Variants in CFAP61 observed in about 807,000 individuals in gnomAD.
CFAP61 encodes cilia and flagella associated protein 61, also known as cilia- and flagella-associated protein 61.
Under a neutral mutation model 135.6 loss-of-function variants are expected in CFAP61, and 107 were observed. The observed-to-expected ratio is 0.79, with a 90% CI of 0.67 to 0.93. CFAP61 has a LOEUF of 0.93. CFAP61 is among the 40% of genes least tolerant of loss of function. CFAP61 has a pLI of 0.00. For synonymous variants in CFAP61, 575 were observed against 578.5 expected, an observed-to-expected ratio of 0.99 and a Z score of 0.09; for missense variants, 1,507 against 1,556.2, an observed-to-expected ratio of 0.97 and a Z score of 0.53.
At chr20:20,087,866 A>AT (rs5840867) in intron 6 of CFAP61, among the ~76,000 whole-genome samples, 35 of 147,534 alleles carry the variant, frequency 2.4e-4, no homozygotes, top group South Asian at 4.3e-4. Context: ...ATGCTGTATC[A>AT]TTTTTTTTTT....
In CFAP61 at chr20:20,169,456, C is replaced by T. The variant is rs765775058; in HGVS notation, c.1381C>T (p.Leu461Phe). The change falls in exon 13 of 27, where the codon CTC (leucine) becomes TTC (phenylalanine). Residue 461 changes from leucine to phenylalanine, a missense_variant. Leu to Phe is a conservative substitution (Grantham distance 22, BLOSUM62 0). Transcript: ENST00000245957. ...CTACGTCTTCCACCGGGCTGGATTG[C>T]TCAAGTGAGTAGACACATGTTTGGC... is the stretch of plus-strand genomic sequence containing the variant. The part of the protein sequence containing the change: ...DLYVFHRAGL[L>F]KSINIRFATL... The T allele has an allele frequency of 6.2e-7, 1 of 1,610,704 alleles. No individual in the cohort carries two copies. Among genetic ancestry groups the T allele is most frequent in the Non-Finnish European group, 8.5e-7 (1 of 1,178,080 alleles).
At chr20:20,284,948 G>C (rs1243084247) in intron 22 of CFAP61, among the ~76,000 whole-genome samples, 1 of 152,130 alleles carries the variant, frequency 6.6e-6, no homozygotes, top group African/African-American at 2.4e-5. Flanking sequence ...GCCTAAATGA[G>C]CTTCAGAGCA....
At chr20:20,226,971 C>T (rs2048780963) in intron 17 of CFAP61, among the ~76,000 whole-genome samples, 1 of 152,198 alleles carries the variant, frequency 6.6e-6, no homozygotes, top group Admixed American at 6.5e-5. Flanking sequence ...GTCTGAATCT[C>T]CCACTTTTGT....
rs535639956 is a variant in CFAP61 at position 20,210,636 on chromosome 20, C to T, written c.1932+10734C>T. 1.7e-4 allele frequency among the ~76,000 whole-genome samples: 26 copies of T among 152,288 alleles called. No individual in the cohort carries two copies. The East Asian group carries it at 4.6e-3, about 27-fold the overall frequency. On this transcript the variant is annotated intron_variant, in intron 17 of 26. Transcript: ENST00000245957. Reference sequence around the variant, plus strand: ...CAGCGACAGACACATGAAACACAGACCACGAATGCCCCTCTGGGGCTGGCC... The same window carrying T: ...CAGCGACAGACACATGAAACACAGATCACGAATGCCCCTCTGGGGCTGGCC...
intron 21 of CFAP61, 91 bp from the exon 22 acceptor site, chr20:20,277,075 G>C: frequency 9.8e-7 from 1 of 1,018,866 alleles, no homozygotes; most frequent in Non-Finnish European, 1.4e-6. Flanking sequence ...AAATGAGAGG[G>C]TTATACGGAG....
chr20:20,118,545 T>TACA (rs1310572520), intron 8 of CFAP61, among the ~76,000 whole-genome samples: 1 of 152,094 alleles, frequency 6.6e-6, no homozygotes, highest in African/African-American at 2.4e-5. Flanking sequence ...TTCACCATGT[T>TACA]GGCCAGGTTG....
In CFAP61 at chr20:20,174,763, T is replaced by TAAA. The variant is rs11087311; in HGVS notation, c.1385+5310_1385+5312dup. On this transcript the variant is annotated intron_variant, in intron 13 of 26. Coordinates refer to ENST00000245957, the MANE Select transcript of CFAP61 (RefSeq NM_015585.4). The stretch of plus-strand genomic sequence containing the variant: ...CCTTACACCCCAGCAATGTTTGTAT[T>TAAA]AAAAAAAAATGAGTGTGCTAACAAA... 2.2e-3 allele frequency among the ~76,000 whole-genome samples: 327 copies of TAAA among 151,108 alleles called. 1 individual carries two copies. Among genetic ancestry groups the TAAA allele is most frequent in the Non-Finnish European group, 3.8e-3 (256 of 67,768 alleles).
intron 6 of CFAP61, among the ~76,000 whole-genome samples, chr20:20,076,707 T>A (rs1272349031): frequency 6.6e-6 from 1 of 152,256 alleles, no homozygotes; most frequent in Non-Finnish European, 1.5e-5. Flanking sequence ...AAAAGTATTT[T>A]AAAAGTTTTA....
At chr20:20,277,086 C>A in intron 21 of CFAP61, 80 bp from the exon 22 acceptor site, 2 of 1,124,294 alleles carry the variant, frequency 1.8e-6, no homozygotes, top group Non-Finnish European at 1.3e-6. Flanking sequence ...TTATACGGAG[C>A]AATTCGGCAT....
intron 8 of CFAP61, among the ~76,000 whole-genome samples, chr20:20,101,718 C>T (rs887105867): frequency 5.3e-5 from 8 of 152,128 alleles, no homozygotes; most frequent in South Asian, 2.1e-4. Context: ...CTCTGCCTCC[C>T]GGGTTCAGGT....
At chr20:20,102,412 T>G (rs2048094352) in intron 8 of CFAP61, among the ~76,000 whole-genome samples, 1 of 152,218 alleles carries the variant, frequency 6.6e-6, no homozygotes, top group South Asian at 2.1e-4. Context: ...ATTGGCTGGT[T>G]TCCCAGAGTT....
At chr20:20,262,438 C>T (rs537100265) in intron 20 of CFAP61, among the ~76,000 whole-genome samples, 5 of 152,348 alleles carry the variant, frequency 3.3e-5, no homozygotes, top group African/African-American at 1.2e-4. Context: ...AGCTCAGATC[C>T]AGCCCTTAGC....
chr20:20,270,310 T>A (rs1256135216), intron 21 of CFAP61, among the ~76,000 whole-genome samples: 1 of 152,164 alleles, frequency 6.6e-6, no homozygotes, highest in African/African-American at 2.4e-5. Flanking sequence ...AAGCTTCATC[T>A]TTATAGCATT....
At chr20:20,184,629 A>AG (rs1403370066) in intron 13 of CFAP61, 1 of 152,276 alleles carries the variant, frequency 6.6e-6, no homozygotes, top group Non-Finnish European at 1.5e-5. Flanking sequence ...GGAGAATTAC[A>AG]GGTAGGAACT....
At chr20:20,162,706 A>G (rs2053504659) in intron 10 of CFAP61, among the ~76,000 whole-genome samples, 1 of 152,238 alleles carries the variant, frequency 6.6e-6, no homozygotes, top group Non-Finnish European at 1.5e-5. Context: ...AAGCTCATAT[A>G]TTATCTCAAA....
At chr20:20,198,954 A>G (rs1454604848) in intron 16 of CFAP61, among the ~76,000 whole-genome samples, 1 of 152,218 alleles carries the variant, frequency 6.6e-6, no homozygotes, top group Non-Finnish European at 1.5e-5. Flanking sequence ...AACTCTTCAG[A>G]TTTAAATGGT....
At chr20:20,166,663 A>G (rs990419134) in intron 12 of CFAP61, among the ~76,000 whole-genome samples, 15 of 152,330 alleles carry the variant, frequency 9.8e-5, no homozygotes, top group African/African-American at 3.4e-4. Context: ...TCTGTTACAC[A>G]TAGCTTTACC....
chr20:20,202,720 G>A (rs1278048761), intron 17 of CFAP61, among the ~76,000 whole-genome samples: 1 of 151,996 alleles, frequency 6.6e-6, no homozygotes, highest in Non-Finnish European at 1.5e-5. Flanking sequence ...ATTACCAAAT[G>A]AATGAATTTT....
At chr20:20,069,745 A>AT in intron 2 of CFAP61, 1 of 456,330 alleles carries the variant, frequency 2.2e-6, no homozygotes, top group South Asian at 1.5e-5. Flanking sequence ...TCTTGCTTAG[A>AT]TTTTCTCGTT....
Sources: gnomAD v4.1 joint callset for allele counts (sites outside exome capture counted in the v4.1 genomes callset) on GRCh38, gnomAD v4.1.1 for gene constraint, MANE v1.5 for transcripts, NCBI Gene and HGNC (gene_info 2026-07-23, HGNC 2026-07-21) for gene names.